The following FAM72A variants were observed in gnomAD, a reference collection of about 807,000 sequenced individuals.
FAM72A encodes regulator of UNG2 and MKLN1 interacting yippee protein 1, also known as protein FAM72A.
FAM72A carries 1 observed loss-of-function variant against 11.3 expected under a neutral mutation model. That is an observed-to-expected ratio of 0.09 (90% CI 0.03 to 0.42). The LOEUF is 0.42. FAM72A is among the 10% of genes least tolerant of loss of function. The pLI is 0.98. For missense variants in FAM72A, 15 were observed against 135.5 expected (o/e 0.11, Z 4.41); for synonymous variants, 5 against 46.9 (o/e 0.11, Z 3.65).
At chr1:206,197,170 T>C (rs1553298426) in intron 2 of FAM72A, among the ~76,000 whole-genome samples, 1 of 152,190 alleles carries the variant, frequency 6.6e-6, no homozygotes, top group African/African-American at 2.4e-5. Context: ...GATTCATCAC[T>C]TAAACTAACA....
intron 2 of FAM72A, among the ~76,000 whole-genome samples, chr1:206,198,924 A>AT (rs1553298757): frequency 6.6e-6 from 1 of 150,810 alleles, no homozygotes; most frequent in Non-Finnish European, 1.5e-5. Flanking sequence ...AAAAAAAAAA[A>AT]AAAAAAAATT....
intron 2 of FAM72A, among the ~76,000 whole-genome samples, chr1:206,198,330 C>G (rs1440573973): frequency 6.6e-6 from 1 of 150,608 alleles, no homozygotes; most frequent in Non-Finnish European, 1.5e-5. Flanking sequence ...TGCCACTGCA[C>G]TCTAGCCTGG....
At chr1:206,190,933 C>T (rs1475510872) in intron 3 of FAM72A, among the ~76,000 whole-genome samples, 21 of 150,650 alleles carry the variant, frequency 1.4e-4, no homozygotes, top group South Asian at 2.1e-4. Context: ...ATGTTAGACA[C>T]GGAGAACATG....
rs1664560551 is a variant in FAM72A, at chr1:206,186,864, T to G, written c.*415A>C. 7.0e-6 allele frequency: 1 copy of G among 143,554 alleles called. No individual in the cohort carries two copies. The highest frequency in any genetic ancestry group is 1.5e-5 in the Non-Finnish European group (1 of 67,716). 8.9% of individuals were successfully genotyped at this position (143,554 alleles called of 1,614,324 possible). ...CTAACAGCTTGTTTTTTTAATCCCC[T>G]ATTAAAACTCGGTTGAACTTGATAT... is the stretch of plus-strand genomic sequence containing the variant. On this transcript the variant is annotated 3_prime_UTR_variant, in exon 4 of 4. Transcript: ENST00000367128.
At chr1:206,198,399 A>G (rs565178894) in intron 2 of FAM72A, among the ~76,000 whole-genome samples, 2 of 150,670 alleles carry the variant, frequency 1.3e-5, no homozygotes, top group East Asian at 3.9e-4. Context: ...AATAATGTCC[A>G]AAGGCCAGTG....
upstream of FAM72A, chr1:206,205,639 A>G: frequency 3.9e-6 from 1 of 258,680 alleles, no homozygotes; most frequent in Non-Finnish European, 7.2e-6. Flanking sequence ...GTTGTGCGGA[A>G]GGACTTCCAC....
chr1:206,191,755 T>C (rs1489739890), intron 3 of FAM72A, among the ~76,000 whole-genome samples: 3 of 131,990 alleles, frequency 2.3e-5, no homozygotes, highest in Non-Finnish European at 3.1e-5. Flanking sequence ...TGAGACAGGG[T>C]CTCACTCTGT....
chr1:206,199,047 A>G (rs1335647837), intron 2 of FAM72A, among the ~76,000 whole-genome samples: 2 of 148,210 alleles, frequency 1.3e-5, no homozygotes, highest in African/African-American at 5.0e-5. Flanking sequence ...GCGCCATTGC[A>G]CTCCAGCCTT....
chr1:206,198,059 A>C (rs1222941977), intron 2 of FAM72A, among the ~76,000 whole-genome samples: 4 of 151,070 alleles, frequency 2.6e-5, no homozygotes, highest in African/African-American at 7.4e-5. Context: ...GTCTCTACTA[A>C]AAATACAAAA....
chr1:206,196,081 A>C (rs1665041081), intron 2 of FAM72A, among the ~76,000 whole-genome samples: 1 of 146,740 alleles, frequency 6.8e-6, no homozygotes, highest in South Asian at 2.2e-4. Flanking sequence ...AAATATTCTC[A>C]CATTTCTTTG....
intron 1 of FAM72A, among the ~76,000 whole-genome samples, chr1:206,200,275 C>T (rs1417949713): frequency 2.7e-5 from 4 of 150,896 alleles, no homozygotes; most frequent in South Asian, 2.1e-4. Context: ...AGTAATTCTA[C>T]GCTTGATTTA....
At chr1:206,191,258 G>A (rs1174418359) in intron 3 of FAM72A, among the ~76,000 whole-genome samples, 1 of 91,802 alleles carries the variant, frequency 1.1e-5, no homozygotes, top group Non-Finnish European at 2.0e-5. Flanking sequence ...CCGAGATCAC[G>A]CCACTGCTCT....
At chr1:206,203,307 A>G (rs1553299692), upstream of FAM72A, 1 of 398,766 alleles carries the variant, frequency 2.5e-6, no homozygotes, top group African/African-American at 2.1e-5. Flanking sequence ...CCCGCCCATC[A>G]GTTCTACTTA....
chr1:206,203,228 C>G, upstream of FAM72A: 1 of 372,032 alleles, frequency 2.7e-6, no homozygotes, highest in Non-Finnish European at 4.8e-6. Context: ...CACCCCTCCT[C>G]TCTACCCCGG....
upstream of FAM72A, chr1:206,203,313 A>T (rs1665495876): frequency 2.5e-6 from 1 of 398,240 alleles, no homozygotes; most frequent in South Asian, 1.3e-4. Flanking sequence ...CATCAGTTCT[A>T]CTTAGGGGTT....
chr1:206,197,829 A>G (rs1665146369), intron 2 of FAM72A, among the ~76,000 whole-genome samples: 1 of 150,660 alleles, frequency 6.6e-6, no homozygotes, highest in Non-Finnish European at 1.5e-5. Flanking sequence ...TGAGAGAATC[A>G]CTTGAACCCA....
chr1:206,198,049 G>A (rs78522500), intron 2 of FAM72A, among the ~76,000 whole-genome samples: 4 of 150,776 alleles, frequency 2.7e-5, no homozygotes, highest in African/African-American at 4.9e-5. Flanking sequence ...GCGAAATCCC[G>A]TCTCTACTAA....
At chr1:206,203,771 GCGGTGCC>G (rs1553299999), upstream of FAM72A, 1 of 1,507,486 alleles carries the variant, frequency 6.6e-7, no homozygotes, top group African/African-American at 1.4e-5. Context: ...CATCGCCTTA[GCGGTGCC>G]GCCCGGAATC....
At chr1:206,200,148 CTTCCACCTCTTGGCTA>C (rs1553298980) in intron 1 of FAM72A, among the ~76,000 whole-genome samples, 1 of 148,414 alleles carries the variant, frequency 6.7e-6, no homozygotes, top group African/African-American at 2.5e-5. Context: ...ATTTGGATTG[CTTCCACCTCTTGGCTA>C]TTGTGAATAA....
Sources: allele counts gnomAD v4.1 joint callset (sites outside exome capture counted in the v4.1 genomes callset), GRCh38; gene constraint gnomAD v4.1.1; transcripts MANE v1.5; gene names NCBI Gene and HGNC (gene_info 2026-07-23, HGNC 2026-07-21).